FAT3: variants seen among roughly 807,000 people sequenced by gnomAD.
FAT3 encodes the protein protocadherin Fat 3.
A neutral mutation model predicts 310.2 loss-of-function variants in FAT3; 95 were observed. That is an observed-to-expected ratio of 0.31 (90% CI 0.26 to 0.36). FAT3 has a LOEUF of 0.36. Ranked by LOEUF, FAT3 falls within the 10% of genes least tolerant of loss-of-function variation. The probability of loss-of-function intolerance (pLI) is 1.00; values close to 1 mark genes in which losing one functional copy is unlikely to be tolerated. For missense variants in FAT3, 5,408 were observed against 5,715.6 expected (o/e 0.95, Z 1.74); for synonymous variants, 2,314 against 2,192.9 (o/e 1.06, Z -1.54).
At chr11:92,572,349 C>T (rs1938212377) in intron 3 of FAT3, among the ~76,000 whole-genome samples, 1 of 152,124 alleles carries the variant, frequency 6.6e-6, no homozygotes. Context: ...AGCCTGAAGC[C>T]AGTCAGGATG....
At chr11:92,385,085 T>C (rs1233905838) in intron 2 of FAT3, among the ~76,000 whole-genome samples, 1 of 152,194 alleles carries the variant, frequency 6.6e-6, no homozygotes, top group African/African-American at 2.4e-5. Context: ...AAGGCAGAGA[T>C]TGAATGTGAA....
chr11:92,232,695 A>C (rs935781604), intron 1 of FAT3, among the ~76,000 whole-genome samples: 1 of 113,222 alleles, frequency 8.8e-6, no homozygotes, highest in Non-Finnish European at 1.6e-5. Context: ...TGCTTCTCTC[A>C]TTGATGATTA....
At chr11:92,306,275 C>G (rs1161741238) in intron 1 of FAT3, among the ~76,000 whole-genome samples, 1 of 151,180 alleles carries the variant, frequency 6.6e-6, no homozygotes, top group Non-Finnish European at 1.5e-5. Flanking sequence ...ACTATCTCCT[C>G]CCATTACTAC....
At chr11:92,827,476 G>A (rs572012039) in intron 13 of FAT3, among the ~76,000 whole-genome samples, 8 of 152,174 alleles carry the variant, frequency 5.3e-5, no homozygotes, top group Non-Finnish European at 8.8e-5. Flanking sequence ...CCAGGGAAAC[G>A]AAGTGACTTG....
intron 2 of FAT3, among the ~76,000 whole-genome samples, chr11:92,355,828 A>C (rs757147304): frequency 1.1e-4 from 16 of 152,182 alleles, no homozygotes; most frequent in Non-Finnish European, 2.1e-4. Context: ...CTTTCCCTTT[A>C]CAGTAAGGCT....
At chr11:92,746,382 A>G (rs1945670940) in intron 4 of FAT3, among the ~76,000 whole-genome samples, 2 of 152,180 alleles carry the variant, frequency 1.3e-5, no homozygotes, top group African/African-American at 4.8e-5. Flanking sequence ...CATGAAACTT[A>G]TTCACTACTG....
intron 13 of FAT3, among the ~76,000 whole-genome samples, chr11:92,828,268 A>G (rs1391009866): frequency 2.0e-5 from 3 of 152,154 alleles, no homozygotes; most frequent in South Asian, 2.1e-4. Flanking sequence ...GAACATGGCA[A>G]AGACCCAAAT....
At chr11:92,364,670 A>G (rs1948970460) in intron 2 of FAT3, among the ~76,000 whole-genome samples, 1 of 152,226 alleles carries the variant, frequency 6.6e-6, no homozygotes. Context: ...TTATCGACAG[A>G]CAGAATCTAC....
At chr11:92,626,347 C>T (rs1941333936) in intron 3 of FAT3, among the ~76,000 whole-genome samples, 1 of 152,092 alleles carries the variant, frequency 6.6e-6, no homozygotes, top group South Asian at 2.1e-4. Flanking sequence ...TAGAGATAAC[C>T]ACCTGGGACT....
chr11:92,287,496 A>C (rs1946588559), intron 1 of FAT3, among the ~76,000 whole-genome samples: 1 of 152,150 alleles, frequency 6.6e-6, no homozygotes, highest in Non-Finnish European at 1.5e-5. Flanking sequence ...TTTGTACTAC[A>C]GCCATGTTTA....
chr11:92,348,706 C>T (rs1228665760), intron 1 of FAT3, among the ~76,000 whole-genome samples: 3 of 152,106 alleles, frequency 2.0e-5, no homozygotes, highest in Non-Finnish European at 4.4e-5. Flanking sequence ...TGAGTCCTGG[C>T]ATTAGGGGAA....
chr11:92,831,507 T>G, intron 13 of FAT3, 115 bp from the exon 14 acceptor site: 1 of 846,704 alleles, frequency 1.2e-6, no homozygotes, highest in Non-Finnish European at 1.8e-6. Context: ...TGTCTGTTTC[T>G]GTAATAACTA....
At chr11:92,696,733 T>G (rs1206494685) in intron 3 of FAT3, among the ~76,000 whole-genome samples, 1 of 152,216 alleles carries the variant, frequency 6.6e-6, no homozygotes, top group Non-Finnish European at 1.5e-5. Flanking sequence ...TTTCTTTGTC[T>G]TTATACTCAA....
intron 1 of FAT3, among the ~76,000 whole-genome samples, chr11:92,277,869 TTA>T (rs1044842441): frequency 1.9e-4 from 29 of 151,210 alleles, no homozygotes; most frequent in African/African-American, 7.1e-4. Flanking sequence ...CTTTTTTTTT[TTA>T]AAAAAAAAAG....
intron 2 of FAT3, among the ~76,000 whole-genome samples, chr11:92,411,512 C>T (rs1171859240): frequency 6.6e-6 from 1 of 152,078 alleles, no homozygotes; most frequent in African/African-American, 2.4e-5. Context: ...CTCACCTGAA[C>T]CTTTTCTCAG....
intron 1 of FAT3, among the ~76,000 whole-genome samples, chr11:92,324,658 C>T (rs1211118678): frequency 6.6e-6 from 1 of 152,104 alleles, no homozygotes. Context: ...TGAAATGTGA[C>T]ATAGAGACAT....
intron 5 of FAT3, among the ~76,000 whole-genome samples, chr11:92,763,536 C>T (rs192725051): frequency 2.2e-4 from 34 of 152,228 alleles, no homozygotes; most frequent in Admixed American, 1.6e-3. Flanking sequence ...CCCTGTTCTC[C>T]AGAGAATCAT....
intron 1 of FAT3, among the ~76,000 whole-genome samples, chr11:92,312,594 G>C (rs1239502371): frequency 1.3e-5 from 2 of 152,108 alleles, no homozygotes; most frequent in African/African-American, 4.8e-5. Context: ...TAGTCCTAGG[G>C]CTCTCACAAA....
chr11:92,340,500 G>T (rs550174664), intron 1 of FAT3, among the ~76,000 whole-genome samples: 2 of 152,120 alleles, frequency 1.3e-5, no homozygotes, highest in Admixed American at 1.3e-4. Flanking sequence ...TGTTTGAACC[G>T]TCTGCATTGG....
Sources: allele counts gnomAD v4.1 joint callset (sites outside exome capture counted in the v4.1 genomes callset), GRCh38; gene constraint gnomAD v4.1.1; transcripts MANE v1.5; gene names NCBI Gene and HGNC (gene_info 2026-07-23, HGNC 2026-07-21).